The following HYDIN variants were observed in gnomAD, a reference collection of about 807,000 sequenced individuals.
HYDIN encodes the protein HYDIN axonemal central pair apparatus protein.
In HYDIN, 132 loss-of-function variants were observed where a neutral mutation model predicts 403.9. The observed-to-expected ratio is 0.33, with a 90% CI of 0.28 to 0.38. The LOEUF (loss-of-function observed/expected upper bound fraction) is 0.38. HYDIN is among the 10% of genes least tolerant of loss of function. The probability of loss-of-function intolerance (pLI) is 1.00; values close to 1 mark genes in which losing one functional copy is unlikely to be tolerated. For missense variants in HYDIN, 2,827 were observed against 5,009.5 expected, an observed-to-expected ratio of 0.56 and a Z score of 13.15; for synonymous variants, 1,202 against 1,891.7, an observed-to-expected ratio of 0.64 and a Z score of 9.46.
At chr16:70,940,621 G>A (rs527550068) in intron 43 of HYDIN, among the ~76,000 whole-genome samples, 1 of 152,194 alleles carries the variant, frequency 6.6e-6, no homozygotes, top group South Asian at 2.1e-4. Flanking sequence ...AAGTGGATCA[G>A]TATGGAGAAA....
intron 18 of HYDIN, among the ~76,000 whole-genome samples, chr16:71,059,490 G>T (rs1414613716): frequency 1.3e-5 from 2 of 152,006 alleles, no homozygotes; most frequent in Non-Finnish European, 2.9e-5. Context: ...TGTTGCATTG[G>T]TCTATGTGTC....
intron 39 of HYDIN, among the ~76,000 whole-genome samples, chr16:70,956,760 C>T (rs189345387): frequency 4.6e-5 from 7 of 152,132 alleles, no homozygotes; most frequent in Non-Finnish European, 2.9e-5. Context: ...CACAGCCATG[C>T]TCACCCATTT....
intron 18 of HYDIN, among the ~76,000 whole-genome samples, chr16:71,054,916 G>C (rs1305351569): frequency 1.3e-5 from 2 of 152,112 alleles, no homozygotes; most frequent in African/African-American, 4.8e-5. Flanking sequence ...TACAATTGAA[G>C]GCATTTTGGT....
chr16:70,955,147 G>A (rs1411378409), intron 40 of HYDIN, among the ~76,000 whole-genome samples: 2 of 152,128 alleles, frequency 1.3e-5, no homozygotes, highest in East Asian at 1.9e-4. Flanking sequence ...CTTATTCATT[G>A]TCCTGGTCCC....
intron 66 of HYDIN, among the ~76,000 whole-genome samples, 164 bp downstream of exon 66, chr16:70,868,406 G>C (rs964360931): frequency 2.5e-4 from 36 of 143,578 alleles, no homozygotes; most frequent in African/African-American, 1.0e-3. Context: ...ATTGATGGCA[G>C]GCAGCATGTG....
At chr16:70,819,843 T>C (rs1033301220) in intron 83 of HYDIN, among the ~76,000 whole-genome samples, 2 of 152,166 alleles carry the variant, frequency 1.3e-5, no homozygotes, top group Admixed American at 6.5e-5. Context: ...AGTCTTGCTC[T>C]GTCACCCGGA....
intron 41 of HYDIN, among the ~76,000 whole-genome samples, chr16:70,948,112 T>C (rs1310426990): frequency 6.6e-6 from 1 of 151,030 alleles, no homozygotes; most frequent in East Asian, 1.9e-4. Context: ...AACAGAGATA[T>C]AGATCAATGG....
At chr16:70,812,288 A>C (rs2035556321) in intron 84 of HYDIN, among the ~76,000 whole-genome samples, 1 of 143,500 alleles carries the variant, frequency 7.0e-6, no homozygotes, top group Non-Finnish European at 1.5e-5. Flanking sequence ...CCAGGAGTTC[A>C]AGACCAGCCT....
intron 1 of HYDIN, among the ~76,000 whole-genome samples, chr16:71,194,888 C>T (rs78506969): frequency 0.016 from 2,474 of 152,252 alleles, 142 homozygotes; most frequent in East Asian, 0.16. Flanking sequence ...TCTCACAAGT[C>T]CTTTAACATG....
intron 10 of HYDIN, among the ~76,000 whole-genome samples, chr16:71,106,694 C>T (rs2083629604): frequency 6.6e-6 from 1 of 151,854 alleles, no homozygotes; most frequent in African/African-American, 2.4e-5. Flanking sequence ...TAATGGAACA[C>T]TGTACAACAA....
At chr16:70,927,017 C>G (rs2077173519) in intron 45 of HYDIN, among the ~76,000 whole-genome samples, 1 of 152,032 alleles carries the variant, frequency 6.6e-6, no homozygotes, top group Non-Finnish European at 1.5e-5. Flanking sequence ...GCAAAAAGGC[C>G]TAGCACATTT....
At chr16:71,011,298 A>G (rs1415421040) in intron 23 of HYDIN, among the ~76,000 whole-genome samples, 2 of 152,190 alleles carry the variant, frequency 1.3e-5, no homozygotes, top group Non-Finnish European at 2.9e-5. Context: ...AGGTAAGTCA[A>G]CTGCAGCACA....
chr16:70,974,343 C>G (rs914014875), intron 32 of HYDIN, 43 bp from the exon 33 acceptor site: 4 of 1,491,376 alleles, frequency 2.7e-6, no homozygotes, highest in East Asian at 2.3e-5. Context: ...AAAAGAGAAA[C>G]AGCAAACAAG....
rs112632736 is a variant in HYDIN, at chr16:71,060,068, T to G, written c.2529+436A>C. 6.8e-4 allele frequency among the ~76,000 whole-genome samples: 104 copies of G among 152,150 alleles called. 2 individuals are homozygous for G. Among genetic ancestry groups the G allele is most frequent in the African/African-American group, 2.3e-3 (97 of 41,520 alleles). ...CCAACATATGTATAGCCAAAAGGAC[T>G]CAAATTAAAGGGAGCACTTCTAGTT... On this transcript the variant is annotated intron_variant, in intron 18 of 85. Coordinates refer to ENST00000393567, the MANE Select transcript of HYDIN (RefSeq NM_001270974.2).
At chr16:70,916,011 G>C (rs111654733) in intron 47 of HYDIN, among the ~76,000 whole-genome samples, 1 of 152,236 alleles carries the variant, frequency 6.6e-6, no homozygotes, top group African/African-American at 2.4e-5. Context: ...CAACAGCATT[G>C]AGTCTGTTTC....
chr16:70,818,344 C>T lies in HYDIN; in HGVS notation c.14656G>A (p.Glu4886Lys), dbSNP rs545802732. 14 of 1,611,904 alleles carry T rather than the reference C, an allele frequency of 8.7e-6. No homozygotes were observed. Among genetic ancestry groups the T allele is most frequent in the Middle Eastern group, 1.7e-4 (1 of 5,966 alleles). Reference sequence around the variant, plus strand: ...CCCCGACAGCCAAGGGGCCGTACCTCGGAGTTGGCAGGCACCACAAACTGG... The same window carrying T: ...CCCCGACAGCCAAGGGGCCGTACCTTGGAGTTGGCAGGCACCACAAACTGG... ...PSQFVVPANS[E>K]GTFSFEFQPL... is the part of the protein sequence containing the mutation. Residue 4886 changes from glutamate to lysine, a missense_variant and splice_region_variant, in exon 84 of 86, where the codon GAG (glutamate) becomes AAG (lysine). Coordinates refer to ENST00000393567, the MANE Select transcript of HYDIN (RefSeq NM_001270974.2).
chr16:71,185,050 T>C, intron 2 of HYDIN, 60 bp from the exon 3 acceptor site: 1 of 1,273,656 alleles, frequency 7.9e-7, no homozygotes, highest in Non-Finnish European at 1.1e-6. Context: ...AAAAGTGTTT[T>C]CATAAGTACC....
At chr16:71,070,267 CT>C (rs1201110973) in intron 13 of HYDIN, among the ~76,000 whole-genome samples, 4 of 147,676 alleles carry the variant, frequency 2.7e-5, no homozygotes, top group African/African-American at 1.0e-4. Context: ...TTCTTTCTTT[CT>C]CTCTCCTTCC....
chr16:71,028,760 G>A (rs2080805329), intron 19 of HYDIN, among the ~76,000 whole-genome samples: 1 of 152,176 alleles, frequency 6.6e-6, no homozygotes, highest in Admixed American at 6.5e-5. Context: ...CTAGTTGTTA[G>A]GTATAACCAT....
Sources: allele counts gnomAD v4.1 joint callset (sites outside exome capture counted in the v4.1 genomes callset), GRCh38; gene constraint gnomAD v4.1.1; transcripts MANE v1.5; gene names NCBI Gene and HGNC (gene_info 2026-07-23, HGNC 2026-07-21).